Variants in CIT observed in about 807,000 individuals in gnomAD.
The protein encoded by CIT is citron rho-interacting serine/threonine kinase, also known as citron Rho-interacting kinase.
In CIT, 79 loss-of-function variants were observed where a neutral mutation model predicts 272.7. The ratio of observed to expected loss-of-function variants is 0.29; its 90% CI spans 0.24 to 0.35. CIT has a LOEUF of 0.35. CIT is among the 10% of genes least tolerant of loss of function. The pLI, the probability that CIT is intolerant of heterozygous loss-of-function variation, is 1.00. For missense variants in CIT, 1,909 were observed against 2,618.3 expected, an observed-to-expected ratio of 0.73 and a Z score of 5.91; for synonymous variants, 948 against 995.6, an observed-to-expected ratio of 0.95 and a Z score of 0.90.
chr12:119,817,499 G>A (rs905852513), intron 9 of CIT, among the ~76,000 whole-genome samples: 14 of 151,822 alleles, frequency 9.2e-5, no homozygotes, highest in African/African-American at 2.7e-4. Flanking sequence ...GCAACAGAGC[G>A]AGACCCCATC....
rs1235431669 is a variant in CIT, at chr12:119,728,099, G to A, written c.3591+403C>T. 6.6e-6 allele frequency among the ~76,000 whole-genome samples: 1 copy of A among 152,172 alleles called. No homozygotes were observed. The highest frequency in any genetic ancestry group is 2.4e-5 in the African/African-American group (1 of 41,452). On this transcript the variant is annotated intron_variant, in intron 28 of 47. Transcript: ENST00000392521. This position sits in a 1 kb window ranked among gnomAD's most constrained non-coding sequence, Gnocchi z 4.3. ...CTATGGAGACAGCAAAAAGATCAGT[G>A]GCTGCCAGGAGTTGAGGGTGGGGAG...
chr12:119,838,293 G>A (rs983645388), intron 5 of CIT, among the ~76,000 whole-genome samples: 1 of 152,082 alleles, frequency 6.6e-6, no homozygotes, highest in South Asian at 2.1e-4. Flanking sequence ...GGCCAGTCTC[G>A]AACTCCTGAC....
At chr12:119,850,147 T>G in intron 5 of CIT, 27 bp downstream of exon 5, 1 of 1,382,850 alleles carries the variant, frequency 7.2e-7, no homozygotes, top group East Asian at 2.3e-5. Flanking sequence ...CTAGGCTAAT[T>G]CCAGAGAGAC....
chr12:119,713,344 TC>T lies in CIT; in HGVS notation c.4488-51del. On this transcript the variant is annotated intron_variant, in intron 34 of 47. Transcript: ENST00000392521. This position sits in a 1 kb window ranked among gnomAD's most constrained non-coding sequence, Gnocchi z 5.2. ...AAAATGTCTGAACTCAGAAGAAACA[TC>T]CGGCTGGAGGATAGGATGAGGGGGT... 1 of 1,596,364 alleles carries T rather than the reference TC, an allele frequency of 6.3e-7. No individual in the cohort carries two copies. The highest frequency in any genetic ancestry group is 2.2e-5 in the East Asian group (1 of 44,790).
chr12:119,740,846 G>A (rs1959024048), intron 24 of CIT, among the ~76,000 whole-genome samples: 1 of 152,152 alleles, frequency 6.6e-6, no homozygotes. Context: ...AGGAAGGGAG[G>A]AGGGATGGAG....
intron 10 of CIT, among the ~76,000 whole-genome samples, chr12:119,793,319 C>T (rs1389681834): frequency 6.6e-6 from 1 of 152,120 alleles, no homozygotes; most frequent in Non-Finnish European, 1.5e-5. Flanking sequence ...TAATTCAGTT[C>T]CCACCTCTAA....
At chr12:119,832,644 AC>A in intron 7 of CIT, 126 bp downstream of exon 7, 1 of 688,568 alleles carries the variant, frequency 1.5e-6, no homozygotes, top group Non-Finnish European at 2.5e-6. Context: ...CCCTGTCCCC[AC>A]CCCCATACAC....
chr12:119,818,949 C>T (rs1041575968), intron 9 of CIT, among the ~76,000 whole-genome samples: 4 of 152,148 alleles, frequency 2.6e-5, no homozygotes, highest in African/African-American at 9.7e-5. Flanking sequence ...GGAGCAGGTA[C>T]ACGATGCCAG....
At chr12:119,855,911 G>C (rs1430258329) in intron 4 of CIT, among the ~76,000 whole-genome samples, 3 of 152,088 alleles carry the variant, frequency 2.0e-5, no homozygotes, top group Non-Finnish European at 4.4e-5. Flanking sequence ...CCAGGACCTA[G>C]AAACACACCA....
chr12:119,735,253 G>A lies in CIT; in HGVS notation c.3063C>T (p.Gly1021=), dbSNP rs761056574. ...YLSKQLDEAS[G]ANDEIVQLRS... ...GCAGTTGTACAATCTCGTCGTTGGC[G>A]CCAGAAGCCTCATCGAGTTGTTTGG... Residue 1021 remains glycine, a synonymous_variant, in exon 25 of 48, where the codon GGC becomes GGT. Transcript: ENST00000392521. 9.3e-6 allele frequency: 15 copies of A among 1,614,012 alleles called. No individual in the cohort carries two copies. Among genetic ancestry groups the A allele is most frequent in the East Asian group, 2.2e-5 (1 of 44,886 alleles).
chr12:119,742,302 G>A (rs1959096235), intron 24 of CIT, 109 bp downstream of exon 24: 3 of 735,122 alleles, frequency 4.1e-6, no homozygotes, highest in Non-Finnish European at 4.2e-6. Context: ...TCTTCAAGCT[G>A]CAAGTTCGTA....
At chr12:119,825,568 T>C (rs1968096474) in intron 7 of CIT, among the ~76,000 whole-genome samples, 200 bp from the exon 8 acceptor site, 1 of 149,058 alleles carries the variant, frequency 6.7e-6, no homozygotes, top group Non-Finnish European at 1.5e-5. Flanking sequence ...ACACAGCATA[T>C]AATGCAATCC....
intron 12 of CIT, 133 bp from the exon 13 acceptor site, chr12:119,782,770 C>CA: frequency 8.7e-7 from 1 of 1,150,202 alleles, no homozygotes; most frequent in Non-Finnish European, 1.2e-6. Flanking sequence ...TTCACAACTT[C>CA]CAGTTGGTTG....
chr12:119,790,583 G>A (rs1369044447), intron 10 of CIT, among the ~76,000 whole-genome samples: 2 of 152,096 alleles, frequency 1.3e-5, no homozygotes, highest in African/African-American at 4.8e-5. Flanking sequence ...GTGAGAGAGA[G>A]AGACACCCAG....
At chr12:119,863,483 C>T (rs1346539898) in intron 3 of CIT, among the ~76,000 whole-genome samples, 2 of 152,022 alleles carry the variant, frequency 1.3e-5, no homozygotes, top group Non-Finnish European at 2.9e-5. Context: ...CATAACAAAC[C>T]TGTACATTTA....
chr12:119,809,111 G>A (rs1966759766), intron 9 of CIT, among the ~76,000 whole-genome samples: 1 of 152,174 alleles, frequency 6.6e-6, no homozygotes, highest in African/African-American at 2.4e-5. Flanking sequence ...GTGGGGAAAA[G>A]TGCTACTTTA....
chr12:119,721,217 T>C, intron 29 of CIT, 92 bp downstream of exon 29: 1 of 1,213,406 alleles, frequency 8.2e-7, no homozygotes, highest in Non-Finnish European at 1.1e-6. Flanking sequence ...TCTGCCCTCC[T>C]CAGCCTCCCG....
intron 4 of CIT, among the ~76,000 whole-genome samples, chr12:119,854,538 G>C (rs985279500): frequency 2.0e-5 from 3 of 152,132 alleles, no homozygotes; most frequent in African/African-American, 7.2e-5. Flanking sequence ...AGCTACTAGA[G>C]AGGCTGAAGC....
intron 4 of CIT, among the ~76,000 whole-genome samples, chr12:119,854,522 A>G (rs1381852396): frequency 6.6e-6 from 1 of 152,010 alleles, no homozygotes; most frequent in African/African-American, 2.4e-5. Flanking sequence ...ACCCGCCTGT[A>G]GTCCCAGCTA....
Sources: allele counts gnomAD v4.1 joint callset (sites outside exome capture counted in the v4.1 genomes callset), GRCh38; gene constraint gnomAD v4.1.1; non-coding constraint Gnocchi (gnomAD v3.1); transcripts MANE v1.5; gene names NCBI Gene and HGNC (gene_info 2026-07-23, HGNC 2026-07-21).